Variants in SIN3B observed in about 807,000 individuals in gnomAD.
SIN3B encodes SIN3 transcription regulator family member B, also known as paired amphipathic helix protein Sin3b.
In SIN3B, 19 loss-of-function variants were observed where a neutral mutation model predicts 120.2. The observed-to-expected ratio is 0.16, with a 90% confidence interval of 0.11 to 0.23. The LOEUF (loss-of-function observed/expected upper bound fraction) is 0.23. Ranked by LOEUF, SIN3B falls within the 10% of genes least tolerant of loss-of-function variation. The pLI, the probability that SIN3B is intolerant of heterozygous loss-of-function variation, is 1.00. For synonymous variants in SIN3B, 654 were observed against 653.2 expected (o/e 1.00, Z -0.02); for missense variants, 1,073 against 1,573.0 (o/e 0.68, Z 5.38).
intron 4 of SIN3B, among the ~76,000 whole-genome samples, chr19:16,845,315 C>G (rs928124926): frequency 2.0e-5 from 3 of 152,200 alleles, no homozygotes; most frequent in Non-Finnish European, 4.4e-5. Flanking sequence ...CTCTTTCACC[C>G]AGGCTGGAGT....
intron 14 of SIN3B, among the ~76,000 whole-genome samples, chr19:16,873,031 C>T (rs1214239880): frequency 2.0e-5 from 3 of 152,056 alleles, no homozygotes; most frequent in Admixed American, 6.6e-5. Context: ...GGCAACTTTC[C>T]GTTTCCTGGG....
rs563912686 is a variant in SIN3B at position 16,876,256 on chromosome 19, C to T, written c.2766+28C>T. ...GAGAGGAGGCCTGGGGCTGGGAACACGCCGGGAGGCCCGGCCGCTCACTCC... is the reference window on the plus strand; with the variant it reads ...GAGAGGAGGCCTGGGGCTGGGAACATGCCGGGAGGCCCGGCCGCTCACTCC... On this transcript the variant is annotated intron_variant, in intron 15 of 18. Coordinates refer to ENST00000248054, the MANE Select transcript of SIN3B (RefSeq NM_001297595.2). This position sits in a 1 kb window ranked among gnomAD's most constrained non-coding sequence, Gnocchi z 7.1. The T allele has an allele frequency of 2.9e-5, 46 of 1,593,336 alleles. No individual in the cohort carries two copies. Among genetic ancestry groups the T allele is most frequent in the African/African-American group, 2.5e-4 (19 of 74,718 alleles).
chr19:16,856,795 C>A (rs1971622012), intron 8 of SIN3B, among the ~76,000 whole-genome samples: 1 of 152,126 alleles, frequency 6.6e-6, no homozygotes, highest in South Asian at 2.1e-4. Flanking sequence ...TGGTCTCGAA[C>A]TCCTGACCTC....
In SIN3B at chr19:16,829,860, G is replaced by A. The variant is rs1398503561; in HGVS notation, c.190G>A (p.Gly64Ser). 1 of 1,613,606 alleles carries A rather than the reference G, an allele frequency of 6.2e-7. No individual in the cohort carries two copies. Among genetic ancestry groups the A allele is most frequent in the Non-Finnish European group, 8.5e-7 (1 of 1,179,738 alleles). The change falls in exon 2 of 19, where the codon GGC becomes AGC. Residue 64 changes from glycine (G) to serine (S), a missense_variant. Coordinates refer to ENST00000248054, the MANE Select transcript of SIN3B (RefSeq NM_001297595.2). ...RFGSDPATYN[G>S]FLEIMKEFKS... ...TGGCAGCGACCCTGCCACCTACAACGGCTTCCTGGAGATCATGAAGGAGTT... is the reference window on the plus strand; with the variant it reads ...TGGCAGCGACCCTGCCACCTACAACAGCTTCCTGGAGATCATGAAGGAGTT...
At chr19:16,844,725 G>A (rs1023342846) in intron 4 of SIN3B, among the ~76,000 whole-genome samples, 1 of 152,242 alleles carries the variant, frequency 6.6e-6, no homozygotes, top group Non-Finnish European at 1.5e-5. Flanking sequence ...CAGCAGCGCC[G>A]TTACGCGCAT....
chr19:16,861,378 G>A (rs1218457910), intron 8 of SIN3B, among the ~76,000 whole-genome samples: 1 of 152,196 alleles, frequency 6.6e-6, no homozygotes, highest in African/African-American at 2.4e-5. Flanking sequence ...TGTCACCCCA[G>A]TACTTTGGGA....
At chr19:16,841,489 C>T (rs1164672796) in intron 3 of SIN3B, among the ~76,000 whole-genome samples, 1 of 152,162 alleles carries the variant, frequency 6.6e-6, no homozygotes, top group African/African-American at 2.4e-5. Flanking sequence ...GTACATTTCT[C>T]CTGAATGTGA....
intron 8 of SIN3B, among the ~76,000 whole-genome samples, chr19:16,856,187 G>C (rs145909260): frequency 4.9e-4 from 74 of 152,310 alleles, no homozygotes; most frequent in African/African-American, 1.7e-3. Context: ...ACTGAGTGGA[G>C]GGGCCTGGAA....
Position 16,869,648 on chromosome 19 carries a change from C to A in SIN3B, c.1995C>A (p.Ser665Arg). Residue 665 changes from serine to arginine, a missense_variant, in exon 13 of 19, where the codon AGC becomes AGA. By Grantham distance (110) the Ser-to-Arg change is moderately radical (BLOSUM62 -1). This residue lies in a region of SIN3B where 169 missense variants were observed against 207.3 expected (regional missense o/e 0.82). Coordinates refer to ENST00000248054, the MANE Select transcript of SIN3B (RefSeq NM_001297595.2). ...IHQLLHQFVP[S>R]LFFSQQLDLG... Reference sequence around the variant, plus strand: ...AGCTGCTGCACCAGTTCGTGCCCAGCCTCTTCTTCTCTCAGCAGCTGGACC... The same window carrying A: ...AGCTGCTGCACCAGTTCGTGCCCAGACTCTTCTTCTCTCAGCAGCTGGACC... The A allele has an allele frequency of 6.2e-7, 1 of 1,613,656 alleles. No homozygotes were observed. Among genetic ancestry groups the A allele is most frequent in the Non-Finnish European group, 8.5e-7 (1 of 1,180,026 alleles).
At chr19:16,848,875 C>T (rs891913535) in intron 5 of SIN3B, among the ~76,000 whole-genome samples, 5 of 152,114 alleles carry the variant, frequency 3.3e-5, no homozygotes, top group African/African-American at 1.2e-4. Flanking sequence ...TGGCCTCAAG[C>T]GATCCTCCCA....
rs771618953 is a variant in SIN3B at position 16,851,399 on chromosome 19, CAT to C, written c.727-12_727-11del. On this transcript the variant is annotated splice_polypyrimidine_tract_variant and intron_variant, in intron 5 of 18. Coordinates refer to ENST00000248054, the MANE Select transcript of SIN3B (RefSeq NM_001297595.2). ...CGTCTCCGGTGCTGACCACCTCCCA[CAT>C]GTGTCCTTAGTTCACAGGAAACGGG... 3.2e-6 allele frequency: 5 copies of C among 1,585,866 alleles called. No homozygotes were observed. Among genetic ancestry groups the C allele is most frequent in the Non-Finnish European group, 4.3e-6 (5 of 1,165,370 alleles).
intron 10 of SIN3B, 94 bp downstream of exon 10, chr19:16,863,890 C>T: frequency 9.4e-6 from 8 of 854,358 alleles, no homozygotes; most frequent in Admixed American, 4.1e-5. Context: ...GCCCCAGTCT[C>T]GTTTGGAGGA....
Position 16,876,610 on chromosome 19 carries a change from T to C in SIN3B, c.2859+32T>C. ...CCCTGGCCCCAGTCTGTGCCACGCATACCAGGGAGCGCCTGAGGGCAGCAG... is the reference window on the plus strand; with the variant it reads ...CCCTGGCCCCAGTCTGTGCCACGCACACCAGGGAGCGCCTGAGGGCAGCAG... On this transcript the variant is annotated intron_variant, in intron 16 of 18. Transcript: ENST00000248054. This position sits in a 1 kb window ranked among gnomAD's most constrained non-coding sequence, Gnocchi z 7.1. The C allele has an allele frequency of 6.4e-7, 1 of 1,565,530 alleles. No individual in the cohort carries two copies. Among genetic ancestry groups the C allele is most frequent in the Non-Finnish European group, 8.8e-7 (1 of 1,139,632 alleles).
At chr19:16,834,316 T>C (rs906507089) in intron 3 of SIN3B, among the ~76,000 whole-genome samples, 2 of 152,236 alleles carry the variant, frequency 1.3e-5, no homozygotes, top group African/African-American at 4.8e-5. Context: ...AGATGTGAAC[T>C]GTGCGTCCTG....
At chr19:16,842,817 C>T (rs1017435090) in intron 4 of SIN3B, among the ~76,000 whole-genome samples, 2 of 152,158 alleles carry the variant, frequency 1.3e-5, no homozygotes, top group Admixed American at 6.5e-5. Context: ...CCAACCCGTC[C>T]GGGGCCAGGG....
At chr19:16,851,111 C>T (rs979451385) in intron 5 of SIN3B, among the ~76,000 whole-genome samples, 6 of 152,330 alleles carry the variant, frequency 3.9e-5, no homozygotes, top group Admixed American at 2.0e-4. Flanking sequence ...AGCCCCCGCA[C>T]GGGAAGACCC....
intron 3 of SIN3B, among the ~76,000 whole-genome samples, chr19:16,834,983 A>G (rs1193941618): frequency 2.0e-5 from 3 of 150,532 alleles, no homozygotes; most frequent in Non-Finnish European, 4.4e-5. Context: ...CTGGAGTGCA[A>G]TGACACAATC....
At position 16,854,217 on chromosome 19, in the gene SIN3B, G is replaced by C; in HGVS notation, c.1014G>C (p.Leu338=). Residue 338 remains leucine, a synonymous_variant, in exon 8 of 19, where the codon CTG becomes CTC. Transcript: ENST00000248054. The part of the protein sequence containing the change: ...LRCIALFNQE[L]VSGSELLQLV... The stretch of plus-strand genomic sequence containing the variant: ...GCATCGCACTCTTCAACCAGGAGCT[G>C]GTGTCTGGCTCTGAGCTCCTGCAGC... The C allele has an allele frequency of 6.2e-7, 1 of 1,612,980 alleles. No individual in the cohort carries two copies.
chr19:16,848,380 C>T (rs1484308356), intron 5 of SIN3B, among the ~76,000 whole-genome samples: 5 of 145,198 alleles, frequency 3.4e-5, no homozygotes, highest in Admixed American at 2.1e-4. Context: ...CAATGGACTG[C>T]GGTTTCTGTC....
Sources: gnomAD v4.1 joint callset for allele counts (sites outside exome capture counted in the v4.1 genomes callset) on GRCh38, gnomAD v4.1.1 for gene constraint, gnomAD v4.1.1 regional missense constraint, Gnocchi (gnomAD v3.1) non-coding constraint, MANE v1.5 for transcripts, NCBI Gene and HGNC (gene_info 2026-07-23, HGNC 2026-07-21) for gene names.